The following STOX2 variants were observed in gnomAD, a reference collection of about 807,000 sequenced individuals.
STOX2 encodes storkhead box 2, also known as storkhead-box protein 2.
STOX2 carries 28 observed loss-of-function variants against 60.9 expected under a neutral mutation model. The ratio of observed to expected loss-of-function variants is 0.46; its 90% CI spans 0.34 to 0.63. STOX2 has a LOEUF of 0.63. Ranked by LOEUF, STOX2 falls within the 30% of genes least tolerant of loss-of-function variation. STOX2 has a pLI of 0.01. For synonymous variants in STOX2, 472 were observed against 463.9 expected, an observed-to-expected ratio of 1.02 and a Z score of -0.22; for missense variants, 1,024 against 1,187.7, an observed-to-expected ratio of 0.86 and a Z score of 2.03.
intron 1 of STOX2, among the ~76,000 whole-genome samples, chr4:183,985,023 G>A (rs1006867552): frequency 6.6e-6 from 1 of 152,154 alleles, no homozygotes; most frequent in African/African-American, 2.4e-5. Flanking sequence ...GCAGCAAGAT[G>A]AGCTTGTGGT....
At chr4:183,912,012 GA>G (rs1046294176) in intron 1 of STOX2, among the ~76,000 whole-genome samples, 12 of 152,162 alleles carry the variant, frequency 7.9e-5, no homozygotes, top group African/African-American at 2.9e-4. Context: ...CACTTTTCCT[GA>G]AGTAGGAAAA....
At chr4:183,982,876 A>G (rs1434698540) in intron 1 of STOX2, among the ~76,000 whole-genome samples, 1 of 151,878 alleles carries the variant, frequency 6.6e-6, no homozygotes, top group African/African-American at 2.4e-5. Flanking sequence ...CTCAGTAATT[A>G]TCTTTTCCTT....
intron 1 of STOX2, among the ~76,000 whole-genome samples, chr4:183,912,445 C>T (rs1741807561): frequency 6.6e-6 from 1 of 152,174 alleles, no homozygotes; most frequent in African/African-American, 2.4e-5. Flanking sequence ...TTACCTGCAT[C>T]AGCGCCTGTC....
Position 184,009,627 on chromosome 4 carries a change from A to G in STOX2, c.789A>G (p.Ser263=). 6.2e-7 allele frequency: 1 copy of G among 1,613,890 alleles called. No individual in the cohort carries two copies. Among genetic ancestry groups the G allele is most frequent in the Non-Finnish European group, 8.5e-7 (1 of 1,179,874 alleles). Residue 263 remains serine, a synonymous_variant, in exon 3 of 4, where the codon TCA becomes TCG. Transcript: ENST00000308497. The surrounding 1 kb of genome is among the most constrained non-coding windows in gnomAD (Gnocchi z 4.0). ...AACCTAAAGATAGTGAAAAGCAGTC[A>G]AAAAAATTCGGGCTAAAGTTATTCC... is the stretch of plus-strand genomic sequence containing the variant. ...LSKPKDSEKQ[S]KKFGLKLFRL... is the part of the protein sequence containing the mutation.
rs1383156266 is a variant in STOX2, at chr4:183,884,847, G to A, written c.364+86792G>A. Among the ~76,000 whole-genome samples, 6 of 152,128 alleles carry A rather than the reference G, an allele frequency of 3.9e-5. No homozygotes were observed. In the East Asian group the frequency reaches 7.7e-4, roughly 20 times the overall value. On this transcript the variant is annotated intron_variant, in intron 1 of 2. Transcript: ENST00000513034. ...GAAACGTTAGGGAGAGTGGGATCCC[G>A]GGAGTGAGAATCCAGAAGCAGGATT... is the stretch of plus-strand genomic sequence containing the variant.
At chr4:183,899,994 A>G (rs1051528600) in intron 1 of STOX2, among the ~76,000 whole-genome samples, 1 of 152,162 alleles carries the variant, frequency 6.6e-6, no homozygotes, top group African/African-American at 2.4e-5. Flanking sequence ...CTCATTTACT[A>G]TACCAAAAAA....
chr4:183,945,929 A>G (rs896860215), intron 1 of STOX2, among the ~76,000 whole-genome samples: 3 of 152,218 alleles, frequency 2.0e-5, no homozygotes, highest in Non-Finnish European at 2.9e-5. Context: ...GAAATGCTTA[A>G]TGTTCTAAAT....
intron 1 of STOX2, among the ~76,000 whole-genome samples, chr4:183,914,211 G>A (rs1269159738): frequency 6.6e-6 from 1 of 152,136 alleles, no homozygotes; most frequent in Non-Finnish European, 1.5e-5. Flanking sequence ...GCCGTTCTTT[G>A]TAAGTGGTTG....
chr4:183,984,168 A>C (rs1732756953), intron 1 of STOX2, among the ~76,000 whole-genome samples: 1 of 152,228 alleles, frequency 6.6e-6, no homozygotes, highest in Non-Finnish European at 1.5e-5. Context: ...TATACCTGTA[A>C]ACACAAAACA....
intron 1 of STOX2, among the ~76,000 whole-genome samples, chr4:183,985,282 C>T (rs987900318): frequency 1.3e-5 from 2 of 151,966 alleles, no homozygotes; most frequent in African/African-American, 2.4e-5. Context: ...AGAGGTAACA[C>T]GTGTTGTTGA....
intron 1 of STOX2, among the ~76,000 whole-genome samples, chr4:183,888,759 G>A (rs1404892719): frequency 6.6e-6 from 1 of 152,148 alleles, no homozygotes; most frequent in African/African-American, 2.4e-5. Context: ...CTGTTAATGA[G>A]CATTAAACAT....
At chr4:183,956,781 C>G (rs1743263019) in intron 1 of STOX2, among the ~76,000 whole-genome samples, 1 of 151,842 alleles carries the variant, frequency 6.6e-6, no homozygotes, top group South Asian at 2.1e-4. Flanking sequence ...TATTGACTTG[C>G]ATTTCTTCAG....
At chr4:183,925,307 C>T (rs774800231) in intron 1 of STOX2, among the ~76,000 whole-genome samples, 3 of 152,122 alleles carry the variant, frequency 2.0e-5, no homozygotes, top group East Asian at 1.9e-4. Flanking sequence ...AGAGGTACAA[C>T]GGGTGAAAAT....
chr4:183,950,114 A>G (rs770778005), intron 1 of STOX2, among the ~76,000 whole-genome samples: 3 of 152,240 alleles, frequency 2.0e-5, no homozygotes, highest in Non-Finnish European at 4.4e-5. Context: ...ATTAAATTAC[A>G]TTGCTATTCC....
rs6832076 is a variant in STOX2, at chr4:183,825,840, T to C, written c.364+27785T>C. On this transcript the variant is annotated intron_variant, in intron 1 of 2. Coordinates refer to the STOX2 transcript ENST00000513034. The surrounding 1 kb of genome is among the most constrained non-coding windows in gnomAD (Gnocchi z 4.1). ...CACAGGCAGGGTGTGATCAAATCAGTGTTTGGGGAAGTTTAGTCTGGGAAC... is the reference window on the plus strand; with the variant it reads ...CACAGGCAGGGTGTGATCAAATCAGCGTTTGGGGAAGTTTAGTCTGGGAAC... Among the ~76,000 whole-genome samples the C allele has an allele frequency of 0.064, 9,772 of 152,012 alleles. 1,009 individuals are homozygous for C. The highest frequency in any genetic ancestry group is 0.22 in the African/African-American group (9,148 of 41,428).
intron 1 of STOX2, among the ~76,000 whole-genome samples, chr4:183,874,953 ATATATATATATATAT>A (rs1256608208): frequency 1.1e-3 from 28 of 24,596 alleles, no homozygotes; most frequent in African/African-American, 4.3e-3. Context: ...AAAAAAAAAA[ATATATATATATATAT>A]ATATATATAT....
chr4:183,938,507 A>T (rs187427366), intron 1 of STOX2, among the ~76,000 whole-genome samples: 1 of 152,016 alleles, frequency 6.6e-6, no homozygotes, highest in East Asian at 1.9e-4. Flanking sequence ...CGTCTCTACT[A>T]AAAATACACA....
chr4:183,909,379 A>G (rs537142449), intron 1 of STOX2, among the ~76,000 whole-genome samples: 17 of 152,318 alleles, frequency 1.1e-4, no homozygotes, highest in South Asian at 2.1e-4. Flanking sequence ...AAATGAAACC[A>G]CTTAGAAACA....
At chr4:183,980,115 G>T (rs995740110) in intron 1 of STOX2, among the ~76,000 whole-genome samples, 1 of 152,100 alleles carries the variant, frequency 6.6e-6, no homozygotes, top group East Asian at 1.9e-4. Flanking sequence ...AGAGATAAAA[G>T]AAATTATGAC....
Sources: gnomAD v4.1 joint callset for allele counts (sites outside exome capture counted in the v4.1 genomes callset) on GRCh38, gnomAD v4.1.1 for gene constraint, Gnocchi (gnomAD v3.1) non-coding constraint, MANE v1.5 for transcripts, NCBI Gene and HGNC (gene_info 2026-07-23, HGNC 2026-07-21) for gene names.